CLIP2: variants seen among roughly 807,000 people sequenced by gnomAD.
CLIP2 encodes CAP-Gly domain-containing linker protein 2.
Under a neutral mutation model 111.7 loss-of-function variants are expected in CLIP2, and 41 were observed. The observed-to-expected ratio is 0.37, with a 90% CI of 0.29 to 0.48. The LOEUF is 0.48. Among genes scored for constraint, CLIP2 ranks in the 20% least tolerant of loss-of-function variants. CLIP2 has a pLI of 0.99. For synonymous variants in CLIP2, 660 were observed against 644.2 expected, an observed-to-expected ratio of 1.02 and a Z score of -0.37; for missense variants, 1,160 against 1,422.1, an observed-to-expected ratio of 0.82 and a Z score of 2.96.
At chr7:74,294,091 A>G (rs1347720461) in intron 1 of CLIP2, among the ~76,000 whole-genome samples, 1 of 151,952 alleles carries the variant, frequency 6.6e-6, no homozygotes, top group Non-Finnish European at 1.5e-5. Flanking sequence ...TAATTTTTGT[A>G]GTTTTAGTAG....
At chr7:74,367,920 A>AT (rs1790505891) in intron 8 of CLIP2, among the ~76,000 whole-genome samples, 1 of 151,902 alleles carries the variant, frequency 6.6e-6, no homozygotes. Flanking sequence ...CTACAAAAAT[A>AT]TTTTTTAAAA....
chr7:74,371,593 GAGA>G (rs782817213), intron 8 of CLIP2, among the ~76,000 whole-genome samples: 1 of 144,388 alleles, frequency 6.9e-6, no homozygotes. Context: ...GAGGGGAAAA[GAGA>G]AGGAGAGAAG....
chr7:74,386,639 C>T, intron 12 of CLIP2, 35 bp downstream of exon 12: 1 of 1,530,012 alleles, frequency 6.5e-7, no homozygotes, highest in South Asian at 1.2e-5. Flanking sequence ...ATGCGGGGGG[C>T]TTTCACTGGG....
Position 74,295,084 on chromosome 7 carries a change from C to A in CLIP2, c.-68+5350C>A, listed in dbSNP as rs989620982. ...CAAGCCATCATCCCACCTTAGTTAG[C>A]CTCTATTAGCTGTGATTACAAGTGC... is the stretch of plus-strand genomic sequence containing the variant. On this transcript the variant is annotated intron_variant, in intron 1 of 16. Coordinates refer to ENST00000223398, the MANE Select transcript of CLIP2 (RefSeq NM_003388.5). Among the ~76,000 whole-genome samples, 4 of 152,136 alleles carry A rather than the reference C, an allele frequency of 2.6e-5. No homozygotes were observed. In the East Asian group the frequency reaches 7.7e-4, roughly 29 times the overall value.
Position 74,352,698 on chromosome 7 carries a change from C to CAA in CLIP2, c.679-1168_679-1167dup, listed in dbSNP as rs56250956. ...TGAGGTAGGAGAATCAACACTGTCT[C>CAA]AAAAAAAAAAAAAAATTTTTAGATA... On this transcript the variant is annotated intron_variant, in intron 3 of 16. Coordinates refer to ENST00000223398, the MANE Select transcript of CLIP2 (RefSeq NM_003388.5). Among the ~76,000 whole-genome samples, 1,281 of 132,062 alleles carry CAA rather than the reference C, an allele frequency of 9.7e-3. 30 individuals are homozygous for CAA. Among genetic ancestry groups the CAA allele is most frequent in the African/African-American group, 0.026 (925 of 35,450 alleles). The allele number at this position is 132,062 out of a possible 152,430, so 86.6% of individuals were successfully genotyped here.
intron 1 of CLIP2, among the ~76,000 whole-genome samples, chr7:74,298,859 G>A (rs949948295): frequency 9.9e-5 from 15 of 151,952 alleles, no homozygotes; most frequent in Non-Finnish European, 2.1e-4. Flanking sequence ...TTTAAAAAAC[G>A]TTTAAGTAAA....
At chr7:74,294,862 C>T (rs1041371021) in intron 1 of CLIP2, among the ~76,000 whole-genome samples, 8 of 152,190 alleles carry the variant, frequency 5.3e-5, no homozygotes, top group African/African-American at 1.9e-4. Context: ...TGGGCAACGG[C>T]TGCATATTGA....
chr7:74,330,357 A>G (rs1789246031), intron 2 of CLIP2, among the ~76,000 whole-genome samples: 1 of 150,716 alleles, frequency 6.6e-6, no homozygotes, highest in South Asian at 2.1e-4. Flanking sequence ...CCTAAGTTCA[A>G]GCGATTCTCC....
chr7:74,300,803 T>C (rs1554726707), intron 1 of CLIP2, among the ~76,000 whole-genome samples: 1 of 152,220 alleles, frequency 6.6e-6, no homozygotes, highest in Non-Finnish European at 1.5e-5. Flanking sequence ...GGTAGACATA[T>C]ACCGCATTTT....
chr7:74,357,998 A>G (rs1293362), intron 6 of CLIP2, among the ~76,000 whole-genome samples: 94,144 of 148,604 alleles, frequency 0.63, 30,706 homozygotes, highest in Middle Eastern at 0.74. Flanking sequence ...CTCGTGATCC[A>G]CCCGCCTTGG....
chr7:74,380,753 C>A, intron 10 of CLIP2, 53 bp from the exon 11 acceptor site: 3 of 1,502,632 alleles, frequency 2.0e-6, no homozygotes, highest in South Asian at 1.2e-5. Flanking sequence ...CTGGCTGGGG[C>A]TGGGGCCAAG....
intron 11 of CLIP2, among the ~76,000 whole-genome samples, chr7:74,381,803 C>G (rs537092984): frequency 6.6e-6 from 1 of 152,110 alleles, no homozygotes; most frequent in Non-Finnish European, 1.5e-5. Context: ...AGCTGGTTTC[C>G]GATAACAATC....
At chr7:74,398,418 C>A (rs1791520420) in intron 14 of CLIP2, among the ~76,000 whole-genome samples, 1 of 152,166 alleles carries the variant, frequency 6.6e-6, no homozygotes, top group Non-Finnish European at 1.5e-5. Context: ...GATGAGCACT[C>A]AGGACAAGCC....
rs116014209 is a variant in CLIP2, at chr7:74,380,684, G to A, written c.2422-122G>A. On this transcript the variant is annotated intron_variant, in intron 10 of 16. Coordinates refer to ENST00000223398, the MANE Select transcript of CLIP2 (RefSeq NM_003388.5). Reference sequence around the variant, plus strand: ...GCCACCGCAGCAAGTCCCTGAGTCCGTCACTGAGGTCCCCCTTTGTAGGAG... The same window carrying A: ...GCCACCGCAGCAAGTCCCTGAGTCCATCACTGAGGTCCCCCTTTGTAGGAG... The A allele has an allele frequency of 4.2e-4, 315 of 755,108 alleles. No homozygotes were observed. In the African/African-American group the frequency reaches 5.0e-3, roughly 12 times the overall value. The allele number at this position is 755,108 out of a possible 1,614,324, so 46.8% of individuals were successfully genotyped here.
intron 1 of CLIP2, among the ~76,000 whole-genome samples, chr7:74,304,450 C>T (rs1406734178): frequency 3.3e-5 from 5 of 151,226 alleles, no homozygotes; most frequent in African/African-American, 9.7e-5. Flanking sequence ...GGTTTGAACC[C>T]GGGAGGTGGA....
chr7:74,331,337 A>G (rs938766434), intron 2 of CLIP2, among the ~76,000 whole-genome samples: 2 of 151,292 alleles, frequency 1.3e-5, no homozygotes, highest in Admixed American at 1.3e-4. Flanking sequence ...CAGTAGAGCA[A>G]TGGCGATTTG....
intron 3 of CLIP2, among the ~76,000 whole-genome samples, chr7:74,352,640 G>A (rs1376036170): frequency 2.0e-5 from 3 of 151,316 alleles, no homozygotes; most frequent in African/African-American, 7.3e-5. Context: ...GGGCGTGGTG[G>A]CGCGCACCTG....
intron 3 of CLIP2, among the ~76,000 whole-genome samples, chr7:74,339,830 G>A (rs782436322): frequency 2.6e-5 from 4 of 152,072 alleles, no homozygotes; most frequent in African/African-American, 7.2e-5. Flanking sequence ...GTTCGTGCTT[G>A]TAATCTCAGC....
chr7:74,361,078 A>G (rs1029476203), intron 7 of CLIP2, among the ~76,000 whole-genome samples: 10 of 148,640 alleles, frequency 6.7e-5, no homozygotes, highest in African/African-American at 2.5e-4. Flanking sequence ...AGTGGAGCTC[A>G]CAGCTCCTGT....
Sources: allele counts gnomAD v4.1 joint callset (sites outside exome capture counted in the v4.1 genomes callset), GRCh38; gene constraint gnomAD v4.1.1; transcripts MANE v1.5; gene names NCBI Gene and HGNC (gene_info 2026-07-23, HGNC 2026-07-21).